The following GRID1 variants were observed in gnomAD, a reference collection of about 807,000 sequenced individuals.
GRID1 encodes the protein glutamate receptor ionotropic, delta-1.
Under a neutral mutation model 98.0 loss-of-function variants are expected in GRID1, and 28 were observed. The ratio of observed to expected loss-of-function variants is 0.29; its 90% CI spans 0.21 to 0.39. The LOEUF (loss-of-function observed/expected upper bound fraction) is 0.39. Among genes scored for constraint, GRID1 ranks in the 10% least tolerant of loss-of-function variants. GRID1 has a pLI of 1.00. For synonymous variants in GRID1, 553 were observed against 538.5 expected, an observed-to-expected ratio of 1.03 and a Z score of -0.37; for missense variants, 1,111 against 1,340.5, an observed-to-expected ratio of 0.83 and a Z score of 2.67.
In GRID1 at chr10:85,651,649, G is replaced by A. The variant is rs140295805; in HGVS notation, c.1998-4252C>T. On this transcript the variant is annotated intron_variant, in intron 12 of 15. Coordinates refer to ENST00000327946, the MANE Select transcript of GRID1 (RefSeq NM_017551.3). ...GACTTTTGCTTTGTGGGTCGTCATA[G>A]TAACAGCCTAGCAGAGGCTACCCTG... 3.9e-5 allele frequency among the ~76,000 whole-genome samples: 6 copies of A among 152,288 alleles called. No homozygotes were observed. The East Asian group carries it at 7.7e-4, about 20-fold the overall frequency.
chr10:86,317,374 G>A (rs1265256487), intron 2 of GRID1, among the ~76,000 whole-genome samples: 1 of 152,260 alleles, frequency 6.6e-6, no homozygotes, highest in Non-Finnish European at 1.5e-5. Flanking sequence ...TGGGTGTTCT[G>A]TGGACCTGTG....
chr10:86,199,192 T>C (rs1045540194), intron 3 of GRID1, among the ~76,000 whole-genome samples: 7 of 152,222 alleles, frequency 4.6e-5, no homozygotes, highest in Admixed American at 1.3e-4. Flanking sequence ...TCCACTCAGA[T>C]ACACACACAT....
chr10:86,149,818 C>T (rs1207847333), intron 3 of GRID1, among the ~76,000 whole-genome samples: 1 of 152,058 alleles, frequency 6.6e-6, no homozygotes, highest in Non-Finnish European at 1.5e-5. Context: ...GATAAAATTC[C>T]GCGGTGTTTA....
chr10:86,190,076 C>A (rs1256858566), intron 3 of GRID1, among the ~76,000 whole-genome samples: 1 of 152,140 alleles, frequency 6.6e-6, no homozygotes, highest in Admixed American at 6.5e-5. Context: ...CGTGACTCGG[C>A]CCCAGGCTCC....
intron 2 of GRID1, among the ~76,000 whole-genome samples, chr10:86,289,537 A>C (rs1847482854): frequency 8.9e-5 from 13 of 146,206 alleles, no homozygotes; most frequent in South Asian, 2.2e-4. Context: ...GCCCCGTGCC[A>C]CTCTCCTAAC....
intron 12 of GRID1, among the ~76,000 whole-genome samples, chr10:85,652,001 AT>A (rs1187916394): frequency 6.6e-6 from 1 of 152,192 alleles, no homozygotes; most frequent in African/African-American, 2.4e-5. Context: ...TGGATTACCG[AT>A]TTTTGAAATT....
At chr10:86,174,531 T>TA (rs1845545667) in intron 3 of GRID1, among the ~76,000 whole-genome samples, 1 of 151,870 alleles carries the variant, frequency 6.6e-6, no homozygotes, top group Admixed American at 6.6e-5. Context: ...CCTAAAACCA[T>TA]AAAAACCCTA....
At chr10:86,090,506 C>T (rs1402085298) in intron 4 of GRID1, among the ~76,000 whole-genome samples, 1 of 151,566 alleles carries the variant, frequency 6.6e-6, no homozygotes, top group Non-Finnish European at 1.5e-5. Context: ...ATGAACATAG[C>T]CTCAGGAACC....
At chr10:85,944,472 T>C (rs1842030789) in intron 4 of GRID1, among the ~76,000 whole-genome samples, 1 of 152,108 alleles carries the variant, frequency 6.6e-6, no homozygotes, top group Non-Finnish European at 1.5e-5. Flanking sequence ...TGCAAACATA[T>C]CTGAAAAGTA....
chr10:85,913,579 C>T (rs1039350866), intron 5 of GRID1, among the ~76,000 whole-genome samples: 1 of 152,148 alleles, frequency 6.6e-6, no homozygotes, highest in African/African-American at 2.4e-5. Flanking sequence ...CACTTGAGGT[C>T]GGGAGTTCGA....
chr10:85,860,143 G>A (rs918611945), intron 6 of GRID1, among the ~76,000 whole-genome samples: 5 of 152,134 alleles, frequency 3.3e-5, no homozygotes, highest in Admixed American at 1.3e-4. Context: ...AATGAGGCCC[G>A]GCTTGGAGAA....
At chr10:85,665,975 C>T (rs926085024) in intron 12 of GRID1, among the ~76,000 whole-genome samples, 3 of 152,092 alleles carry the variant, frequency 2.0e-5, no homozygotes, top group Non-Finnish European at 4.4e-5. Flanking sequence ...TTGCACAGCT[C>T]ACCCCTGGAG....
At chr10:86,167,727 T>C (rs537806695) in intron 3 of GRID1, among the ~76,000 whole-genome samples, 20 of 152,338 alleles carry the variant, frequency 1.3e-4, no homozygotes, top group African/African-American at 4.3e-4. Context: ...CTCCTCAGCA[T>C]GTTCTAGAGA....
intron 2 of GRID1, among the ~76,000 whole-genome samples, chr10:86,318,639 G>GAC (rs1224932127): frequency 6.6e-6 from 1 of 152,206 alleles, no homozygotes; most frequent in East Asian, 1.9e-4. Context: ...TGAGCCTGAG[G>GAC]ACATGGCAGG....
At position 86,295,489 on chromosome 10, in the gene GRID1, C is replaced by T. The variant is rs368966117; in HGVS notation, c.235+68452G>A. ...ATGGAGCATCGCCATCCACTGCCACCTTCTCTCTCCTCAGTGAACTATATA... is the reference window on the plus strand; with the variant it reads ...ATGGAGCATCGCCATCCACTGCCACTTTCTCTCTCCTCAGTGAACTATATA... On this transcript the variant is annotated intron_variant, in intron 2 of 15. Coordinates refer to ENST00000327946, the MANE Select transcript of GRID1 (RefSeq NM_017551.3). Among the ~76,000 whole-genome samples the T allele has an allele frequency of 1.2e-4, 19 of 152,294 alleles. No homozygotes were observed. The East Asian group carries it at 3.5e-3, about 28-fold the overall frequency.
intron 2 of GRID1, among the ~76,000 whole-genome samples, chr10:86,222,577 A>G (rs940677596): frequency 2.0e-5 from 3 of 152,242 alleles, no homozygotes; most frequent in Admixed American, 6.5e-5. Flanking sequence ...TTCACTGAAA[A>G]ATGGAGGGGC....
intron 5 of GRID1, among the ~76,000 whole-genome samples, chr10:85,884,722 T>C (rs368659843): frequency 5.3e-5 from 8 of 152,194 alleles, no homozygotes; most frequent in African/African-American, 1.9e-4. Context: ...TGATGGTAAC[T>C]TAAGCTAAGG....
intron 12 of GRID1, among the ~76,000 whole-genome samples, chr10:85,685,840 ATATAC>A (rs1475436389): frequency 1.3e-5 from 2 of 152,160 alleles, no homozygotes; most frequent in East Asian, 3.8e-4. Flanking sequence ...GCAGAAATAA[ATATAC>A]TATTCATATT....
At chr10:86,162,406 A>G (rs1845336336) in intron 3 of GRID1, among the ~76,000 whole-genome samples, 1 of 152,142 alleles carries the variant, frequency 6.6e-6, no homozygotes. Flanking sequence ...AGCCACCCAA[A>G]GCCCAGCCAC....
Sources: gnomAD v4.1 joint callset for allele counts (sites outside exome capture counted in the v4.1 genomes callset) on GRCh38, gnomAD v4.1.1 for gene constraint, MANE v1.5 for transcripts, NCBI Gene and HGNC (gene_info 2026-07-23, HGNC 2026-07-21) for gene names.